Variants in SPIN1 observed in about 807,000 individuals in gnomAD.
SPIN1 encodes spindlin 1.
Under a neutral mutation model 26.0 loss-of-function variants are expected in SPIN1, and 3 were observed. The observed-to-expected ratio is 0.12, with a 90% CI of 0.05 to 0.30. SPIN1 has a LOEUF of 0.30. SPIN1 is among the 10% of genes least tolerant of loss of function. The pLI is 1.00. For synonymous variants in SPIN1, 101 were observed against 116.5 expected (o/e 0.87, Z 0.86); for missense variants, 126 against 333.4 (o/e 0.38, Z 4.84).
At chr9:88,417,996 A>G (rs1169884) in intron 1 of SPIN1, among the ~76,000 whole-genome samples, 5,319 of 152,220 alleles carry the variant, frequency 0.035, 153 homozygotes, top group Admixed American at 0.075. Flanking sequence ...TCCCCTGCCT[A>G]CTCTGGGCTC....
intron 1 of SPIN1, among the ~76,000 whole-genome samples, chr9:88,399,132 A>G (rs1040519116): frequency 6.7e-6 from 1 of 149,766 alleles, no homozygotes; most frequent in African/African-American, 2.4e-5. Context: ...CCTGGGTTCA[A>G]GCGATTCTCC....
chr9:88,409,548 C>T (rs1415259626), intron 1 of SPIN1, among the ~76,000 whole-genome samples: 2 of 151,758 alleles, frequency 1.3e-5, no homozygotes, highest in African/African-American at 4.8e-5. Flanking sequence ...AATTGAGCTA[C>T]ACGACGGCCA....
In SPIN1 at chr9:88,475,626, G is replaced by A; in HGVS notation, c.*349G>A. ...ATTCTGCCGCCACAATGCAAGCATAGTTTGATGTTTTCGTTATTGCCTTTT... is the reference window on the plus strand; with the variant it reads ...ATTCTGCCGCCACAATGCAAGCATAATTTGATGTTTTCGTTATTGCCTTTT... On this transcript the variant is annotated 3_prime_UTR_variant, in exon 6 of 6. Transcript: ENST00000375859. 1 of 202,134 alleles carries A rather than the reference G, an allele frequency of 4.9e-6. No homozygotes were observed. Among genetic ancestry groups the A allele is most frequent in the Admixed American group, 5.3e-5 (1 of 18,966 alleles). The allele number at this position is 202,134 out of a possible 1,614,324, so 12.5% of individuals were successfully genotyped here.
At chr9:88,437,279 C>T (rs1049549404) in intron 2 of SPIN1, among the ~76,000 whole-genome samples, 2 of 152,018 alleles carry the variant, frequency 1.3e-5, no homozygotes, top group African/African-American at 2.4e-5. Flanking sequence ...AGGCCGATCT[C>T]TTGAGCCTGA....
intron 5 of SPIN1, among the ~76,000 whole-genome samples, chr9:88,472,647 C>T (rs867914264): frequency 7.9e-5 from 12 of 152,202 alleles, no homozygotes; most frequent in Non-Finnish European, 1.3e-4. Context: ...CACACGCCAC[C>T]ACGCCCATCT....
intron 3 of SPIN1, among the ~76,000 whole-genome samples, chr9:88,451,931 C>T (rs529822773): frequency 1.5e-4 from 23 of 152,194 alleles, no homozygotes; most frequent in Non-Finnish European, 2.8e-4. Context: ...AGTGGTTCTT[C>T]GTTTCAGTTT....
At chr9:88,435,318 C>G (rs1169882) in intron 2 of SPIN1, among the ~76,000 whole-genome samples, 2 of 151,672 alleles carry the variant, frequency 1.3e-5, no homozygotes, top group Non-Finnish European at 2.9e-5. Context: ...TGGACTCAAG[C>G]GAATCTCCTA....
chr9:88,446,119 T>C (rs1028542734), intron 2 of SPIN1, among the ~76,000 whole-genome samples: 3 of 152,198 alleles, frequency 2.0e-5, no homozygotes, highest in African/African-American at 7.2e-5. Flanking sequence ...TGTCTTTGTC[T>C]TTAATTCTGT....
At position 88,423,507 on chromosome 9, in the gene SPIN1, C is replaced by T. The variant is rs561263824; in HGVS notation, c.-158-2875C>T. Among the ~76,000 whole-genome samples, 13 of 151,200 alleles carry T rather than the reference C, an allele frequency of 8.6e-5. 1 individual carries two copies. The South Asian group carries it at 1.7e-3, about 20-fold the overall frequency. ...AGGCTGTAGTGCAGTGGTGCGATCT[C>T]GGCTCACTCTAACCTCTGCCTCCCG... On this transcript the variant is annotated intron_variant, in intron 1 of 5. Coordinates refer to ENST00000375859, the MANE Select transcript of SPIN1 (RefSeq NM_006717.3).
rs201369257 is a variant in SPIN1 at position 88,426,554 on chromosome 9, C to T, written c.15C>T (p.Phe5=). 130 of 1,613,644 alleles carry T rather than the reference C, an allele frequency of 8.1e-5. No individual in the cohort carries two copies. The highest frequency in any genetic ancestry group is 9.9e-5 in the Non-Finnish European group (117 of 1,179,724). The change falls in exon 2 of 6, where the codon TTC becomes TTT. Residue 5 remains phenylalanine (F), a synonymous_variant. Transcript: ENST00000375859. ...AATACAGATGAATGAAGACCCCATT[C>T]GGAAAGACACCTGGCCAGCGGTCCA... MKTP[F]GKTPGQRSRA...
intron 2 of SPIN1, among the ~76,000 whole-genome samples, chr9:88,439,532 G>T (rs1436278062): frequency 1.3e-5 from 2 of 152,172 alleles, no homozygotes; most frequent in African/African-American, 2.4e-5. Context: ...TTTATACGCA[G>T]ATATTCTGAA....
intron 2 of SPIN1, among the ~76,000 whole-genome samples, chr9:88,444,332 C>A (rs1181252643): frequency 6.6e-6 from 1 of 151,014 alleles, no homozygotes; most frequent in Non-Finnish European, 1.5e-5. Flanking sequence ...GCTCCGCCTC[C>A]CGGGTTCCTG....
At position 88,428,541 on chromosome 9, in the gene SPIN1, A is replaced by G. The variant is rs113388596; in HGVS notation, c.52+1950A>G. On this transcript the variant is annotated intron_variant, in intron 2 of 5. Transcript: ENST00000375859. ...CTTTTTCATGGCTGTGAACATTGCT[A>G]TTTTCTTTATCGATTTTGAAATCAT... Among the ~76,000 whole-genome samples the G allele has an allele frequency of 2.7e-4, 41 of 152,236 alleles. No individual in the cohort carries two copies. The South Asian group carries it at 2.9e-3, about 11-fold the overall frequency.
chr9:88,398,409 A>G (rs1827113758), intron 1 of SPIN1, among the ~76,000 whole-genome samples: 1 of 151,986 alleles, frequency 6.6e-6, no homozygotes. Context: ...TTTTGCCTGT[A>G]ATTACTTTTC....
chr9:88,447,066 T>C (rs1051870629), intron 2 of SPIN1, among the ~76,000 whole-genome samples: 3 of 152,196 alleles, frequency 2.0e-5, no homozygotes, highest in Non-Finnish European at 2.9e-5. Context: ...CCAGTTGATA[T>C]TGTCCTAAAG....
chr9:88,473,834 T>C (rs1009012173), intron 5 of SPIN1, among the ~76,000 whole-genome samples: 1 of 152,206 alleles, frequency 6.6e-6, no homozygotes, highest in Non-Finnish European at 1.5e-5. Context: ...TTTGTAATTC[T>C]TTTGTAAACG....
At chr9:88,432,975 C>T (rs1199870537) in intron 2 of SPIN1, among the ~76,000 whole-genome samples, 1 of 149,360 alleles carries the variant, frequency 6.7e-6, no homozygotes, top group Non-Finnish European at 1.5e-5. Flanking sequence ...CTCAGCCTTT[C>T]AGGTAGCTGG....
chr9:88,405,996 CTT>C (rs1827297160), intron 1 of SPIN1, among the ~76,000 whole-genome samples: 6 of 127,938 alleles, frequency 4.7e-5, no homozygotes, highest in African/African-American at 1.7e-4. Flanking sequence ...CCGTGCCTGG[CTT>C]GTGTGTCTGT....
At chr9:88,420,640 C>G (rs973581938) in intron 1 of SPIN1, among the ~76,000 whole-genome samples, 3 of 152,192 alleles carry the variant, frequency 2.0e-5, no homozygotes, top group Admixed American at 2.0e-4. Context: ...AACATTCCAT[C>G]TTAGTGTGGT....
Sources: gnomAD v4.1 joint callset for allele counts (sites outside exome capture counted in the v4.1 genomes callset) on GRCh38, gnomAD v4.1.1 for gene constraint, MANE v1.5 for transcripts, NCBI Gene and HGNC (gene_info 2026-07-23, HGNC 2026-07-21) for gene names.